Variants in STAG1 observed in about 807,000 individuals in gnomAD.
STAG1 encodes STAG1 cohesin complex component.
Under a neutral mutation model 170.9 loss-of-function variants are expected in STAG1, and 26 were observed. That is an observed-to-expected ratio of 0.15 (90% CI 0.11 to 0.21). The LOEUF (loss-of-function observed/expected upper bound fraction) is 0.21. Ranked by LOEUF, STAG1 falls within the 10% of genes least tolerant of loss-of-function variation. The probability of loss-of-function intolerance (pLI) is 1.00; values close to 1 mark genes in which losing one functional copy is unlikely to be tolerated. For missense variants in STAG1, 964 were observed against 1,509.5 expected (o/e 0.64, Z 5.99); for synonymous variants, 514 against 497.7 (o/e 1.03, Z -0.44).
At chr3:136,341,850 G>A (rs968543943) in intron 30 of STAG1, among the ~76,000 whole-genome samples, 1 of 152,138 alleles carries the variant, frequency 6.6e-6, no homozygotes, top group African/African-American at 2.4e-5. Context: ...GTACCTAGCT[G>A]GACAGCAGAT....
At chr3:136,720,176 CAAAAA>C (rs59409389) in intron 1 of STAG1, among the ~76,000 whole-genome samples, 1 of 61,158 alleles carries the variant, frequency 1.6e-5, no homozygotes, top group Non-Finnish European at 3.3e-5. Flanking sequence ...AATTCCGTCT[CAAAAA>C]AAAAAAAAAA....
intron 3 of STAG1, 137 bp from the exon 4 acceptor site, chr3:136,604,610 A>G (rs2107808623): frequency 1.3e-6 from 1 of 747,504 alleles, no homozygotes. Flanking sequence ...AAAAAAGTGC[A>G]AAGAGCAAAA....
At chr3:136,462,393 A>T (rs980910789) in intron 13 of STAG1, among the ~76,000 whole-genome samples, 1 of 152,196 alleles carries the variant, frequency 6.6e-6, no homozygotes, top group African/African-American at 2.4e-5. Flanking sequence ...GCAGTGACAC[A>T]GATGGAACTA....
chr3:136,733,010 T>C (rs112801747), intron 1 of STAG1, among the ~76,000 whole-genome samples: 7 of 152,162 alleles, frequency 4.6e-5, no homozygotes, highest in African/African-American at 1.4e-4. Flanking sequence ...TTACTTAGAT[T>C]ACGATATGTC....
In STAG1 at chr3:136,476,627, G is replaced by A. The variant is rs554042236; in HGVS notation, c.1026+662C>T. Among the ~76,000 whole-genome samples, 4 of 152,252 alleles carry A rather than the reference G, an allele frequency of 2.6e-5. No homozygotes were observed. The East Asian group carries it at 5.8e-4, about 22-fold the overall frequency. ...GGTAGTATTCATGAAAAATACTTCA[G>A]AAAACTGTAAAATAACTTATAATGG... On this transcript the variant is annotated intron_variant, in intron 10 of 33. Coordinates refer to ENST00000383202, the MANE Select transcript of STAG1 (RefSeq NM_005862.3).
Position 136,671,536 on chromosome 3 carries a change from TGAAAA to T in STAG1, c.-83-40560_-83-40556del, listed in dbSNP as rs142538588. Among the ~76,000 whole-genome samples the T allele has an allele frequency of 5.8e-3, 883 of 152,250 alleles. 6 individuals are homozygous for T. The highest frequency in any genetic ancestry group is 0.02 in the African/African-American group (824 of 41,538). Reference sequence around the variant, plus strand: ...TACTAATAAAAATGTAGAAGTAAACTGAAAAGAAAAGGTTCTAAAAACAGGACTCT... The same window carrying T: ...TACTAATAAAAATGTAGAAGTAAACTGAAAAGGTTCTAAAAACAGGACTCT... On this transcript the variant is annotated intron_variant, in intron 1 of 33. Transcript: ENST00000383202.
chr3:136,542,892 A>G (rs184151386), intron 5 of STAG1, among the ~76,000 whole-genome samples: 4 of 152,260 alleles, frequency 2.6e-5, no homozygotes, highest in Admixed American at 1.3e-4. Flanking sequence ...ACTTGCAAAA[A>G]AAGTTTCCCG....
At chr3:136,620,508 T>C (rs1939794636) in intron 3 of STAG1, among the ~76,000 whole-genome samples, 1 of 152,236 alleles carries the variant, frequency 6.6e-6, no homozygotes, top group African/African-American at 2.4e-5. Context: ...TGTGTGACCT[T>C]AGGCAAATTA....
chr3:136,644,135 A>T (rs1241495902), intron 1 of STAG1, among the ~76,000 whole-genome samples: 3 of 152,200 alleles, frequency 2.0e-5, no homozygotes, highest in African/African-American at 7.2e-5. Context: ...TTATAATATG[A>T]AACTGTGGTA....
chr3:136,430,647 A>G (rs987681673), intron 16 of STAG1, among the ~76,000 whole-genome samples: 8 of 151,730 alleles, frequency 5.3e-5, no homozygotes, highest in Admixed American at 6.6e-5. Flanking sequence ...AAAAAAAGCG[A>G]AAATATCTCA....
chr3:136,361,913 T>C (rs1361956100), intron 26 of STAG1, among the ~76,000 whole-genome samples: 1 of 149,880 alleles, frequency 6.7e-6, no homozygotes, highest in Non-Finnish European at 1.5e-5. Context: ...TGCTTGGCTT[T>C]CATTAATTAT....
chr3:136,722,135 A>G (rs1318115196), intron 1 of STAG1, among the ~76,000 whole-genome samples: 1 of 151,942 alleles, frequency 6.6e-6, no homozygotes, highest in African/African-American at 2.4e-5. Context: ...AGATGGGAGG[A>G]TCACCTGAGC....
intron 4 of STAG1, among the ~76,000 whole-genome samples, chr3:136,599,182 C>A (rs1938562977): frequency 6.6e-6 from 1 of 152,036 alleles, no homozygotes. Context: ...AAAATCAACC[C>A]AAATGCCCAA....
chr3:136,714,247 C>A (rs975123885), intron 1 of STAG1, among the ~76,000 whole-genome samples: 2 of 152,022 alleles, frequency 1.3e-5, no homozygotes, highest in African/African-American at 4.8e-5. Context: ...AAAAACAGAA[C>A]GTCAAACCAC....
chr3:136,692,313 CAAAAAA>C (rs71157399), intron 1 of STAG1, among the ~76,000 whole-genome samples: 12,700 of 45,396 alleles, frequency 0.28, 890 homozygotes, highest in South Asian at 0.37. Flanking sequence ...GACTCCATCT[CAAAAAA>C]AAAAAAAAAA....
At chr3:136,344,087 G>T in intron 29 of STAG1, 81 bp from the exon 30 acceptor site, 1 of 1,064,378 alleles carries the variant, frequency 9.4e-7, no homozygotes, top group Non-Finnish European at 1.3e-6. Context: ...CTTGTGAAGA[G>T]TGTGGCTCTG....
chr3:136,538,085 CTT>C (rs770166212), intron 6 of STAG1, among the ~76,000 whole-genome samples: 60 of 152,206 alleles, frequency 3.9e-4, no homozygotes, highest in Non-Finnish European at 6.0e-4. Flanking sequence ...AATACTGAGT[CTT>C]GAGTTATTAG....
chr3:136,716,386 C>A (rs1302263647), intron 1 of STAG1, among the ~76,000 whole-genome samples: 3 of 152,112 alleles, frequency 2.0e-5, no homozygotes, highest in African/African-American at 7.2e-5. Context: ...TTATTTGAAC[C>A]CTACAGGCAG....
intron 1 of STAG1, among the ~76,000 whole-genome samples, chr3:136,689,668 C>A (rs182801726): frequency 1.3e-5 from 2 of 152,114 alleles, no homozygotes; most frequent in Admixed American, 6.5e-5. Context: ...TTCAGTGGGA[C>A]GACAGAGATC....
Sources: allele counts gnomAD v4.1 joint callset (sites outside exome capture counted in the v4.1 genomes callset), GRCh38; gene constraint gnomAD v4.1.1; transcripts MANE v1.5; gene names NCBI Gene and HGNC (gene_info 2026-07-23, HGNC 2026-07-21).